DOCK11: variants seen among roughly 807,000 people sequenced by gnomAD.
The protein encoded by DOCK11 is dedicator of cytokinesis 11, also known as dedicator of cytokinesis protein 11.
Under a neutral mutation model 169.1 loss-of-function variants are expected in DOCK11, and 70 were observed. The observed-to-expected ratio is 0.41, with a 90% CI of 0.34 to 0.51. The LOEUF (loss-of-function observed/expected upper bound fraction) is 0.51, where lower values mean the gene tolerates loss of function less well. DOCK11 is among the 20% of genes least tolerant of loss of function. The pLI, the probability that DOCK11 is intolerant of heterozygous loss-of-function variation, is 0.10. For missense variants in DOCK11, 1,166 were observed against 1,538.8 expected (o/e 0.76, Z 4.05); for synonymous variants, 529 against 541.3 (o/e 0.98, Z 0.32).
At chrX:118,549,908 T>G (rs1173401473) in intron 6 of DOCK11, among the ~76,000 whole-genome samples, 1 of 111,816 alleles carries the variant, frequency 8.9e-6, no homozygotes, top group Non-Finnish European at 1.9e-5. Flanking sequence ...TACTTTGAAA[T>G]GCAAAGGCCA....
chrX:118,579,431 C>T (rs2013555432), intron 13 of DOCK11, among the ~76,000 whole-genome samples: 1 of 111,736 alleles, frequency 8.9e-6, no homozygotes, highest in South Asian at 3.7e-4. Context: ...GTACATCAAT[C>T]TGTTGTACAT....
chrX:118,499,363 A>T (rs1452647267), intron 1 of DOCK11, among the ~76,000 whole-genome samples: 1 of 111,192 alleles, frequency 9.0e-6, no homozygotes, highest in Admixed American at 9.6e-5. Flanking sequence ...AAGATCGGGA[A>T]AGAGTTGCTA....
chrX:118,581,858 A>C (rs2013653260), intron 14 of DOCK11, among the ~76,000 whole-genome samples: 1 of 73,345 alleles, frequency 1.4e-5, no homozygotes, highest in South Asian at 8.4e-4. Flanking sequence ...TTGGCCGGCC[A>C]CAGTGGCTCA....
intron 32 of DOCK11, among the ~76,000 whole-genome samples, chrX:118,626,351 A>G (rs768211084): frequency 9.0e-6 from 1 of 111,460 alleles, no homozygotes; most frequent in Non-Finnish European, 1.9e-5. Context: ...AATTATAGGC[A>G]TGAGCCACTG....
chrX:118,645,321 A>G (rs2015628020), intron 40 of DOCK11, among the ~76,000 whole-genome samples: 1 of 111,892 alleles, frequency 8.9e-6, no homozygotes, highest in Non-Finnish European at 1.9e-5. Context: ...TGGAGATACA[A>G]AATAAATATA....
chrX:118,518,237 G>A (rs180910040), intron 1 of DOCK11, among the ~76,000 whole-genome samples: 1 of 111,615 alleles, frequency 9.0e-6, no homozygotes, highest in Admixed American at 9.6e-5. Context: ...GGAAGGTCTT[G>A]CCTCTGACAT....
chrX:118,593,214 A>C lies in DOCK11; in HGVS notation c.2140A>C (p.Ile714Leu), dbSNP rs750800907. 8.4e-7 allele frequency: 1 copy of C among 1,192,811 alleles called. No homozygotes were observed. Among genetic ancestry groups the C allele is most frequent in the African/African-American group, 1.8e-5 (1 of 56,748 alleles). Residue 714 changes from isoleucine (I) to leucine (L), a missense_variant and splice_region_variant, in exon 20 of 53, where the codon ATT (isoleucine) becomes CTT (leucine). By Grantham distance (5) the Ile-to-Leu change is conservative. Coordinates refer to ENST00000276202, the MANE Select transcript of DOCK11 (RefSeq NM_144658.4). The part of the protein sequence containing the change: ...HNQNPEFYDE[I>L]KIELPIHLHQ... The stretch of plus-strand genomic sequence containing the variant: ...ATGTGTAATTTTGCTTTCATTTCAG[A>C]TTAAAATTGAGCTTCCCATTCACCT...
intron 32 of DOCK11, 122 bp from the exon 33 acceptor site, chrX:118,627,382 T>G: frequency 1.9e-6 from 1 of 528,112 alleles, no homozygotes; most frequent in Non-Finnish European, 3.2e-6. Flanking sequence ...TACTAGTATC[T>G]GATTTAGACT....
At chrX:118,544,480 C>CT (rs937453019) in intron 4 of DOCK11, among the ~76,000 whole-genome samples, 1 of 108,836 alleles carries the variant, frequency 9.2e-6, no homozygotes, top group African/African-American at 3.3e-5. Flanking sequence ...TTTGTTTAGC[C>CT]TTTTGTAGTT....
intron 20 of DOCK11, among the ~76,000 whole-genome samples, chrX:118,595,053 T>G (rs2014118323): frequency 9.0e-6 from 1 of 111,409 alleles, no homozygotes; most frequent in South Asian, 3.8e-4. Flanking sequence ...GATTTTATTT[T>G]ATTCTATCAC....
rs772732377 is a variant in DOCK11 at position 118,610,356 on chromosome X, C to T, written c.3034C>T (p.Arg1012Trp). 2.5e-6 allele frequency: 3 copies of T among 1,210,747 alleles called. No homozygotes were observed. The highest frequency in any genetic ancestry group is 3.5e-5 in the South Asian group (2 of 56,927). Residue 1012 changes from arginine to tryptophan, a missense_variant, in exon 28 of 53, where the codon CGG becomes TGG. By Grantham distance (101) the Arg-to-Trp change is moderately radical. Transcript: ENST00000276202. ...LLAIIPHVTI[R>W]YAEIPDESRN... ...TGCAATAATTCCCCATGTGACTATT[C>T]GGTATGCGGAGATTCCCGATGAGTC... is the stretch of plus-strand genomic sequence containing the variant.
At chrX:118,647,664 TTAA>T (rs1287388318) in intron 40 of DOCK11, among the ~76,000 whole-genome samples, 11 of 53,375 alleles carry the variant, frequency 2.1e-4, no homozygotes, top group Admixed American at 3.3e-4. Context: ...ATATTATATA[TTAA>T]TAATTATTAT....
intron 40 of DOCK11, among the ~76,000 whole-genome samples, chrX:118,646,091 CAAAA>C (rs1055517263): frequency 1.1e-5 from 1 of 90,484 alleles, no homozygotes; most frequent in African/African-American, 4.0e-5. Context: ...ACAACAACAA[CAAAA>C]AAACAGAGAG....
intron 12 of DOCK11, among the ~76,000 whole-genome samples, chrX:118,575,574 C>G (rs1376933063): frequency 9.0e-6 from 1 of 111,648 alleles, no homozygotes; most frequent in Non-Finnish European, 1.9e-5. Context: ...CTGTCACTGT[C>G]TTTTTGGGGC....
Position 118,630,445 on chromosome X carries a change from A to G in DOCK11, c.3841A>G (p.Ser1281Gly). Residue 1281 changes from serine (S) to glycine (G), a missense_variant, in exon 35 of 53, where the codon AGC becomes GGC. Transcript: ENST00000276202. ...CCGCCTGGATCAGTATGAAATCAGA[A>G]GCCTCCTGATGTGCTACCTGTATAT... ...YNRLDQYEIR[S>G]LLMCYLYIVK... 8.3e-7 allele frequency: 1 copy of G among 1,209,178 alleles called. No homozygotes were observed. Among genetic ancestry groups the G allele is most frequent in the Non-Finnish European group, 1.1e-6 (1 of 893,480 alleles).
At chrX:118,586,353 C>T (rs1023021718) in intron 16 of DOCK11, among the ~76,000 whole-genome samples, 4 of 111,121 alleles carry the variant, frequency 3.6e-5, no homozygotes, top group South Asian at 3.8e-4. Flanking sequence ...AACTTAAAAT[C>T]GTGGCAGAAG....
At chrX:118,523,352 T>C (rs952638280) in intron 1 of DOCK11, among the ~76,000 whole-genome samples, 2 of 112,462 alleles carry the variant, frequency 1.8e-5, no homozygotes, top group African/African-American at 6.5e-5. Context: ...TTTCTAGAAA[T>C]ATCCTTCTCA....
chrX:118,647,805 TA>T (rs2015768930), intron 40 of DOCK11, among the ~76,000 whole-genome samples: 1 of 45,225 alleles, frequency 2.2e-5, no homozygotes. Context: ...TAATATATAA[TA>T]ATATATATTA....
intron 6 of DOCK11, among the ~76,000 whole-genome samples, chrX:118,554,376 C>G (rs962719316): frequency 9.0e-6 from 1 of 110,524 alleles, no homozygotes; most frequent in Non-Finnish European, 1.9e-5. Context: ...ATAGTGAAAC[C>G]CTGTCTCTAC....
Sources: gnomAD v4.1 joint callset for allele counts (sites outside exome capture counted in the v4.1 genomes callset) on GRCh38, gnomAD v4.1.1 for gene constraint, MANE v1.5 for transcripts, NCBI Gene and HGNC (gene_info 2026-07-23, HGNC 2026-07-21) for gene names.